Variants in POFUT2 observed in about 807,000 individuals in gnomAD.
POFUT2 encodes GDP-fucose protein O-fucosyltransferase 2.
POFUT2 carries 30 observed loss-of-function variants against 55.0 expected under a neutral mutation model. The observed-to-expected ratio is 0.55, with a 90% CI of 0.41 to 0.74. The LOEUF is 0.74. POFUT2 is among the 30% of genes least tolerant of loss of function. POFUT2 has a pLI of 0.00. For synonymous variants in POFUT2, 267 were observed against 231.1 expected (o/e 1.16, Z -1.41); for missense variants, 524 against 562.6 (o/e 0.93, Z 0.69).
chr21:45,271,644 G>C (rs1331841552), intron 6 of POFUT2, among the ~76,000 whole-genome samples: 1 of 152,178 alleles, frequency 6.6e-6, no homozygotes, highest in Non-Finnish European at 1.5e-5. Context: ...TAAGAGCTGT[G>C]AGCCAAAAGC....
chr21:45,269,349 G>C (rs1018895888), intron 7 of POFUT2, among the ~76,000 whole-genome samples: 5 of 152,278 alleles, frequency 3.3e-5, no homozygotes, highest in African/African-American at 7.2e-5. Flanking sequence ...ATAGAAAGGC[G>C]GGAAAGGTGG....
chr21:45,272,003 G>A (rs1235246867), intron 6 of POFUT2, among the ~76,000 whole-genome samples: 3 of 152,108 alleles, frequency 2.0e-5, no homozygotes, highest in African/African-American at 4.8e-5. Flanking sequence ...AAAGAAAACA[G>A]AGTATTCAGG....
chr21:45,275,409 C>T (rs1248402751), intron 6 of POFUT2, among the ~76,000 whole-genome samples: 1 of 152,164 alleles, frequency 6.6e-6, no homozygotes, highest in Non-Finnish European at 1.5e-5. Context: ...TCCAGCAATC[C>T]CACTGCTGGG....
intron 6 of POFUT2, among the ~76,000 whole-genome samples, chr21:45,275,897 T>A (rs1487880847): frequency 2.1e-4 from 30 of 143,258 alleles, no homozygotes; most frequent in Middle Eastern, 7.2e-3. Flanking sequence ...AAAAAAAAAA[T>A]GATAAAATAA....
intron 7 of POFUT2, 133 bp downstream of exon 7, chr21:45,269,706 A>C: frequency 1.2e-6 from 1 of 809,440 alleles, no homozygotes; most frequent in Non-Finnish European, 1.9e-6. Flanking sequence ...TCACTTGTTT[A>C]TCTGCTGACC....
rs1221069674 is a variant in POFUT2 at position 45,267,405 on chromosome 21, ATTAAC to A, written c.1136+180_1136+184del. 2.5e-6 allele frequency: 4 copies of A among 1,605,762 alleles called. No homozygotes were observed. The highest frequency in any genetic ancestry group is 3.4e-6 in the Non-Finnish European group (4 of 1,174,530). Reference sequence around the variant, plus strand: ...GAGAACTAAAGGGGCAAGATGAACAATTAACTTCAGCCCAGGGAAACACTGAACCA... The same window carrying A: ...GAGAACTAAAGGGGCAAGATGAACAATTCAGCCCAGGGAAACACTGAACCA... On this transcript the variant is annotated intron_variant, in intron 8 of 8. Transcript: ENST00000349485. The surrounding 1 kb of genome is among the most constrained non-coding windows in gnomAD (Gnocchi z 4.4).
chr21:45,269,225 C>T (rs199922924), intron 7 of POFUT2, among the ~76,000 whole-genome samples: 34,950 of 144,796 alleles, frequency 0.24, 275 homozygotes, highest in East Asian at 0.33. Flanking sequence ...CGCCTCTGCC[C>T]GGCCGCCCCT....
intron 6 of POFUT2, among the ~76,000 whole-genome samples, chr21:45,276,717 C>G (rs1303815310): frequency 2.0e-5 from 3 of 152,178 alleles, no homozygotes; most frequent in Non-Finnish European, 2.9e-5. Context: ...CTTCCGCGCT[C>G]CTGGCCTTGC....
chr21:45,282,229 G>A lies in POFUT2; in HGVS notation c.638+120C>T, dbSNP rs1602219585. On this transcript the variant is annotated intron_variant, in intron 4 of 8. Coordinates refer to ENST00000349485, the MANE Select transcript of POFUT2 (RefSeq NM_133635.6). This position sits in a 1 kb window ranked among gnomAD's most constrained non-coding sequence, Gnocchi z 4.6. ...CCACCCCCCAGGGCCCCCAGGGTCC[G>A]CTGTCTGTGAGGTGGGTGGGCCAGG... 12 of 696,044 alleles carry A rather than the reference G, an allele frequency of 1.7e-5. No homozygotes were observed. The highest frequency in any genetic ancestry group is 7.6e-5 in the Admixed American group (3 of 39,484). 43.1% of individuals were successfully genotyped at this position (696,044 alleles called of 1,614,324 possible).
chr21:45,283,255 G>A, intron 3 of POFUT2, 128 bp downstream of exon 3: 1 of 451,822 alleles, frequency 2.2e-6, no homozygotes. Context: ...TGCTGCAGGG[G>A]GGGCGGGGGG....
At chr21:45,266,318 C>G in intron 8 of POFUT2, 2 of 1,364,512 alleles carry the variant, frequency 1.5e-6, no homozygotes, top group Non-Finnish European at 2.0e-6. Flanking sequence ...GCAGGCCACA[C>G]AGGCCTGTAT....
chr21:45,267,225 A>G lies in POFUT2; in HGVS notation c.1136+365T>C. On this transcript the variant is annotated intron_variant, in intron 8 of 8. Coordinates refer to ENST00000349485, the MANE Select transcript of POFUT2 (RefSeq NM_133635.6). This position sits in a 1 kb window ranked among gnomAD's most constrained non-coding sequence, Gnocchi z 4.4. ...GCTCACGGATGCTCAACAACACAGC[A>G]ACAAGGACATGCCCAAGTCCAGGGC... The G allele has an allele frequency of 7.1e-7, 1 of 1,416,314 alleles. No homozygotes were observed. The highest frequency in any genetic ancestry group is 9.2e-7 in the Non-Finnish European group (1 of 1,088,980). 87.7% of individuals were successfully genotyped at this position (1,416,314 alleles called of 1,614,324 possible). A position where few individuals can be genotyped will look rare whatever the true frequency, so the allele number is the denominator to read the frequency against.
At chr21:45,266,079 C>T (rs1218364558) in intron 8 of POFUT2, 3 of 1,288,394 alleles carry the variant, frequency 2.3e-6, no homozygotes, top group Middle Eastern at 2.2e-4. Context: ...GTAGACATCA[C>T]GGAGGTCAAG....
chr21:45,285,906 G>A lies in POFUT2; in HGVS notation c.154C>T (p.Pro52Ser). The A allele has an allele frequency of 6.2e-7, 1 of 1,609,764 alleles. No individual in the cohort carries two copies. Among genetic ancestry groups the A allele is most frequent in the Non-Finnish European group, 8.5e-7 (1 of 1,178,152 alleles). The change falls in exon 2 of 9, where the codon CCC (proline) becomes TCC (serine). Residue 52 changes from proline (P) to serine (S), a missense_variant. By Grantham distance (74) the Pro-to-Ser change is moderately conservative. Transcript: ENST00000349485. The surrounding 1 kb of genome is among the most constrained non-coding windows in gnomAD (Gnocchi z 4.9). The stretch of plus-strand genomic sequence containing the variant: ...CTGCGCAGGTTGAAGCCTTCCGGGG[G>A]GTTGACGTCATACAGAAGATACCTG... ...RRRYLLYDVNPPEGFNLRRDV... is the reference protein window; with the variant it reads ...RRRYLLYDVNSPEGFNLRRDV...
chr21:45,266,166 GCCTGC>G, intron 8 of POFUT2: 1 of 1,367,108 alleles, frequency 7.3e-7, no homozygotes, highest in Non-Finnish European at 9.8e-7. Context: ...CAGGTCAGCG[GCCTGC>G]CCGTTCCTCC....
intron 4 of POFUT2, among the ~76,000 whole-genome samples, chr21:45,280,360 C>T (rs758533739): frequency 1.3e-5 from 2 of 152,186 alleles, no homozygotes; most frequent in African/African-American, 2.4e-5. Flanking sequence ...TGCCCATCTT[C>T]AGCTGTGGAT....
At position 45,277,230 on chromosome 21, in the gene POFUT2, C is replaced by T. The variant is rs552734702; in HGVS notation, c.706-88G>A. On this transcript the variant is annotated intron_variant, in intron 5 of 8. Transcript: ENST00000349485. The surrounding 1 kb of genome is among the most constrained non-coding windows in gnomAD (Gnocchi z 6.9). ...GGGTTCTCCTGTCGCTGCCACCACC[C>T]ACCCCCGCAGCTGGAACAAGCCCCT... is the stretch of plus-strand genomic sequence containing the variant. 1.3e-6 allele frequency: 2 copies of T among 1,519,566 alleles called. No homozygotes were observed. Among genetic ancestry groups the T allele is most frequent in the Non-Finnish European group, 8.9e-7 (1 of 1,126,092 alleles). The allele number at this position is 1,519,566 out of a possible 1,614,324, so 94.1% of individuals were successfully genotyped here. A position where few individuals can be genotyped will look rare whatever the true frequency, so the allele number is the denominator to read the frequency against.
intron 1 of POFUT2, 65 bp downstream of exon 1, chr21:45,287,676 C>CCAACCAAACAAAG: frequency 8.5e-7 from 1 of 1,181,514 alleles, no homozygotes; most frequent in Non-Finnish European, 1.1e-6. Context: ...GCCCCGCCCC[C>CCAACCAAACAAAG]ATCCCATCCT....
rs765364073 is a variant in POFUT2, at chr21:45,267,691, C to T, written c.1035G>A (p.Leu345=). 46 of 1,614,048 alleles carry T rather than the reference C, an allele frequency of 2.8e-5. No homozygotes were observed. The South Asian group carries it at 4.7e-4, about 17-fold the overall frequency. The change falls in exon 8 of 9, where the codon CTG becomes CTA. Residue 345 remains leucine, a synonymous_variant. Transcript: ENST00000349485. This position sits in a 1 kb window ranked among gnomAD's most constrained non-coding sequence, Gnocchi z 4.4. ...GTTCAAACCTCACCATCTCGGGTAACAGCTTTTTTAGCTCTTCATATTCTG... is the reference window on the plus strand; with the variant it reads ...GTTCAAACCTCACCATCTCGGGTAATAGCTTTTTTAGCTCTTCATATTCTG... The part of the protein sequence containing the change: ...VRKEYEELKK[L]LPEMVRFEPT...
Sources: gnomAD v4.1 joint callset for allele counts (sites outside exome capture counted in the v4.1 genomes callset) on GRCh38, gnomAD v4.1.1 for gene constraint, Gnocchi (gnomAD v3.1) non-coding constraint, MANE v1.5 for transcripts, NCBI Gene and HGNC (gene_info 2026-07-23, HGNC 2026-07-21) for gene names.